KLF12: variants seen among roughly 807,000 people sequenced by gnomAD.
KLF12 encodes the protein KLF transcription factor 12, also known as Krueppel-like factor 12.
A neutral mutation model predicts 37.8 loss-of-function variants in KLF12; 9 were observed. The observed-to-expected ratio is 0.24, with a 90% CI of 0.14 to 0.42. The LOEUF is 0.42. Among genes scored for constraint, KLF12 ranks in the 10% least tolerant of loss-of-function variants. The pLI is 1.00. For synonymous variants in KLF12, 208 were observed against 202.1 expected (o/e 1.03, Z -0.25); for missense variants, 411 against 516.0 (o/e 0.80, Z 1.97).
chr13:73,910,946 T>C (rs545646687), intron 3 of KLF12, among the ~76,000 whole-genome samples: 1 of 152,276 alleles, frequency 6.6e-6, no homozygotes, highest in Admixed American at 6.5e-5. Context: ...TAACACTCTA[T>C]GTCACCTGGG....
the KLF12 span, among the ~76,000 whole-genome samples, chr13:74,301,246 G>T: frequency 6.6e-6 from 1 of 152,012 alleles, no homozygotes; most frequent in African/African-American, 2.4e-5. Flanking sequence ...GATTACTTTT[G>T]CAGTTAACAA....
intron 7 of KLF12, among the ~76,000 whole-genome samples, chr13:73,709,332 C>A (rs905639727): frequency 6.6e-6 from 1 of 152,122 alleles, no homozygotes; most frequent in Non-Finnish European, 1.5e-5. Context: ...GATACTTACT[C>A]CCCTCCCATA....
intron 5 of KLF12, chr13:73,802,287 A>G (rs912274205): frequency 3.9e-5 from 6 of 152,152 alleles, no homozygotes; most frequent in African/African-American, 1.2e-4. Flanking sequence ...AGTTGCATCA[A>G]TTTTTAGGGA....
intron 1 of KLF12, among the ~76,000 whole-genome samples, chr13:74,004,113 A>C (rs1566500521): frequency 6.6e-6 from 1 of 152,152 alleles, no homozygotes; most frequent in African/African-American, 2.4e-5. Flanking sequence ...AGGTTTTTTA[A>C]AGAATCCTTT....
At chr13:74,056,734 G>A (rs774412724) in intron 1 of KLF12, among the ~76,000 whole-genome samples, 27 of 152,234 alleles carry the variant, frequency 1.8e-4, no homozygotes, top group East Asian at 7.7e-4. Flanking sequence ...CAAAAAAGCC[G>A]AGATTACCAT....
chr13:73,805,606 AAGGAAGGG>A (rs1566379960), intron 5 of KLF12, among the ~76,000 whole-genome samples: 1 of 50,114 alleles, frequency 2.0e-5, no homozygotes, highest in Non-Finnish European at 3.8e-5. Context: ...GCACTGTCAG[AAGGAAGGG>A]AGGGAGGGAG....
At chr13:73,834,555 C>T (rs1444173809) in intron 4 of KLF12, among the ~76,000 whole-genome samples, 9 of 152,314 alleles carry the variant, frequency 5.9e-5, no homozygotes, top group South Asian at 4.1e-4. Flanking sequence ...CTGTTTCCTA[C>T]GCCAGGGTGC....
At chr13:73,790,428 C>A (rs1881620170) in intron 5 of KLF12, among the ~76,000 whole-genome samples, 1 of 151,958 alleles carries the variant, frequency 6.6e-6, no homozygotes, top group Non-Finnish European at 1.5e-5. Flanking sequence ...TATTTTTGTG[C>A]TTCCTTTAAA....
At chr13:74,085,614 G>A (rs1331158456) in intron 1 of KLF12, among the ~76,000 whole-genome samples, 1 of 152,210 alleles carries the variant, frequency 6.6e-6, no homozygotes, top group African/African-American at 2.4e-5. Flanking sequence ...TAATGGAGCA[G>A]GGACTCAACC....
At chr13:74,286,902 G>A in the KLF12 span, among the ~76,000 whole-genome samples, 22 of 152,182 alleles carry the variant, frequency 1.4e-4, no homozygotes, top group Non-Finnish European at 1.5e-4. Flanking sequence ...TGGAGGTAGA[G>A]CCTTGGAAAG....
At chr13:74,154,233 C>A in the KLF12 span, among the ~76,000 whole-genome samples, 5 of 148,634 alleles carry the variant, frequency 3.4e-5, no homozygotes, top group Non-Finnish European at 5.9e-5. Flanking sequence ...GACTCCATCT[C>A]AAAAAAAAAA....
chr13:74,004,025 C>G (rs1892350341), intron 1 of KLF12, among the ~76,000 whole-genome samples: 1 of 152,150 alleles, frequency 6.6e-6, no homozygotes, highest in South Asian at 2.1e-4. Context: ...AGGTTAAGGG[C>G]TCACACGTAT....
At chr13:73,990,045 C>A (rs1300698490) in intron 2 of KLF12, among the ~76,000 whole-genome samples, 1 of 151,884 alleles carries the variant, frequency 6.6e-6, no homozygotes, top group Non-Finnish European at 1.5e-5. Context: ...AATATAGCCA[C>A]CTTGGGAACA....
At chr13:73,810,880 T>C (rs1157641767) in intron 5 of KLF12, among the ~76,000 whole-genome samples, 1 of 151,998 alleles carries the variant, frequency 6.6e-6, no homozygotes, top group South Asian at 2.1e-4. Flanking sequence ...ATCTCTTGGA[T>C]TCAGTGTCTA....
chr13:73,770,715 G>A lies in KLF12; in HGVS notation c.807-5715C>T, dbSNP rs140952514. Among the ~76,000 whole-genome samples, 282 of 151,842 alleles carry A rather than the reference G, an allele frequency of 1.9e-3. 3 individuals carry two copies. Among genetic ancestry groups the A allele is most frequent in the East Asian group, 4.1e-3 (21 of 5,154 alleles). On this transcript the variant is annotated intron_variant, in intron 5 of 7. Transcript: ENST00000377669. ...TTTTTGTATTTTTAGTAGAGATGGC[G>A]TTTCACCATGTTGGCCAGGATGGTC...
chr13:74,185,458 C>G, the KLF12 span, among the ~76,000 whole-genome samples: 1 of 152,092 alleles, frequency 6.6e-6, no homozygotes, highest in Non-Finnish European at 1.5e-5. Context: ...ATTTGGAGTG[C>G]AGTTTCAACT....
intron 6 of KLF12, among the ~76,000 whole-genome samples, chr13:73,717,916 T>C (rs1875935668): frequency 6.6e-6 from 1 of 152,222 alleles, no homozygotes; most frequent in Non-Finnish European, 1.5e-5. Context: ...TTCTGGAATA[T>C]GTAGTTATGA....
At chr13:74,177,966 A>G in the KLF12 span, among the ~76,000 whole-genome samples, 1 of 152,222 alleles carries the variant, frequency 6.6e-6, no homozygotes, top group Non-Finnish European at 1.5e-5. Context: ...GACTGTGAGC[A>G]ACAGAAACCG....
chr13:74,299,908 A>C, the KLF12 span, among the ~76,000 whole-genome samples: 1 of 152,194 alleles, frequency 6.6e-6, no homozygotes, highest in Admixed American at 6.5e-5. Flanking sequence ...AGACAAAATA[A>C]GAAAGAGGAA....
Sources: gnomAD v4.1 joint callset for allele counts (sites outside exome capture counted in the v4.1 genomes callset) on GRCh38, gnomAD v4.1.1 for gene constraint, MANE v1.5 for transcripts, NCBI Gene and HGNC (gene_info 2026-07-23, HGNC 2026-07-21) for gene names.